NAPEPLD: variants seen among roughly 807,000 people sequenced by gnomAD.
The protein encoded by NAPEPLD is N-acyl-phosphatidylethanolamine-hydrolyzing phospholipase D.
In NAPEPLD, 23 loss-of-function variants were observed where a neutral mutation model predicts 38.1. The ratio of observed to expected loss-of-function variants is 0.60; its 90% CI spans 0.43 to 0.86. NAPEPLD has a LOEUF of 0.86. Ranked by LOEUF, NAPEPLD falls within the 40% of genes least tolerant of loss-of-function variation. NAPEPLD has a pLI of 0.00. For missense variants in NAPEPLD, 411 were observed against 476.8 expected (o/e 0.86, Z 1.28); for synonymous variants, 147 against 162.0 (o/e 0.91, Z 0.71).
chr7:103,128,415 G>T, intron 2 of NAPEPLD, 68 bp downstream of exon 2: 2 of 1,547,580 alleles, frequency 1.3e-6, no homozygotes, highest in East Asian at 2.2e-5. Flanking sequence ...TGATATACAA[G>T]GGCTCAAATA....
chr7:103,103,613 C>A, intron 4 of NAPEPLD, 59 bp from the exon 5 acceptor site: 1 of 1,526,216 alleles, frequency 6.6e-7, no homozygotes, highest in South Asian at 1.3e-5. Flanking sequence ...GGGAGATTTT[C>A]CAAATAACAG....
intron 1 of NAPEPLD, among the ~76,000 whole-genome samples, chr7:103,138,490 CA>C (rs1282824476): frequency 7.3e-6 from 1 of 137,400 alleles, no homozygotes; most frequent in East Asian, 2.3e-4. Context: ...TTTTTTGAGT[CA>C]GAGTTTTGCT....
At chr7:103,137,356 A>G (rs1349288208) in intron 1 of NAPEPLD, among the ~76,000 whole-genome samples, 1 of 152,212 alleles carries the variant, frequency 6.6e-6, no homozygotes, top group Admixed American at 6.5e-5. Context: ...TTCCTCTATA[A>G]TAAGAGGTTT....
chr7:103,100,003 A>G lies in NAPEPLD; in HGVS notation c.*3426T>C, dbSNP rs1802164619. 6.6e-6 allele frequency: 1 copy of G among 152,220 alleles called. No individual in the cohort carries two copies. Among genetic ancestry groups the G allele is most frequent in the Non-Finnish European group, 1.5e-5 (1 of 68,040 alleles). 9.4% of individuals were successfully genotyped at this position (152,220 alleles called of 1,614,324 possible). On this transcript the variant is annotated 3_prime_UTR_variant, in exon 5 of 5. Coordinates refer to ENST00000465647, the MANE Select transcript of NAPEPLD (RefSeq NM_001122838.3). ...GCAGTATTTAAGGCAAAGCTTTAAG[A>G]ATACTTTAAATTTCATTTGTAAATA...
rs757595572 is a variant in NAPEPLD, at chr7:103,128,707, G to A, written c.70C>T (p.Arg24Cys). The A allele has an allele frequency of 1.3e-5, 21 of 1,613,888 alleles. No individual in the cohort carries two copies. Among genetic ancestry groups the A allele is most frequent in the African/African-American group, 2.7e-5 (2 of 74,850 alleles). Residue 24 changes from arginine to cysteine, a missense_variant, in exon 2 of 5, where the codon CGT becomes TGT. By Grantham distance (180) the Arg-to-Cys change is radical (BLOSUM62 -3). Coordinates refer to ENST00000465647, the MANE Select transcript of NAPEPLD (RefSeq NM_001122838.3). The part of the protein sequence containing the change: ...SQYPKEAVRK[R>C]QNSARNSGAS... ...CCGGAATTCCGTGCTGAATTTTGAC[G>A]TTTTCTTACTGCTTCTTTAGGATAT...
At chr7:103,118,143 G>A (rs576137054) in intron 3 of NAPEPLD, among the ~76,000 whole-genome samples, 86 of 152,288 alleles carry the variant, frequency 5.6e-4, no homozygotes, top group South Asian at 8.3e-4. Flanking sequence ...AGCCGAGATC[G>A]TGCCACTGCA....
At chr7:103,134,748 T>C (rs1809688517) in intron 1 of NAPEPLD, among the ~76,000 whole-genome samples, 1 of 152,204 alleles carries the variant, frequency 6.6e-6, no homozygotes, top group African/African-American at 2.4e-5. Flanking sequence ...AAGGACATTC[T>C]CTACATTTTT....
intron 3 of NAPEPLD, among the ~76,000 whole-genome samples, chr7:103,116,371 T>C (rs1415789182): frequency 6.6e-6 from 1 of 152,188 alleles, no homozygotes; most frequent in African/African-American, 2.4e-5. Context: ...GCCAGTTTTT[T>C]CACTTTATCA....
chr7:103,123,047 C>G (rs922242261), intron 2 of NAPEPLD, among the ~76,000 whole-genome samples: 18 of 152,214 alleles, frequency 1.2e-4, no homozygotes, highest in Non-Finnish European at 7.3e-5. Flanking sequence ...GTCCCACCTA[C>G]ATGGAGACTG....
chr7:103,102,033 T>A lies in NAPEPLD; in HGVS notation c.*1396A>T, dbSNP rs1463258850. ...GCCCCCCAACCACTGGCATTCATAC[T>A]GGCTTACCAAAAGAATCATGCTTAA... On this transcript the variant is annotated 3_prime_UTR_variant, in exon 5 of 5. Coordinates refer to ENST00000465647, the MANE Select transcript of NAPEPLD (RefSeq NM_001122838.3). 1 of 113,068 alleles carries A rather than the reference T, an allele frequency of 8.8e-6. No homozygotes were observed. The highest frequency in any genetic ancestry group is 1.7e-5 in the Non-Finnish European group (1 of 60,384). The allele number at this position is 113,068 out of a possible 1,614,324, so 7.0% of individuals were successfully genotyped here.
Position 103,128,526 on chromosome 7 carries a change from A to C in NAPEPLD, c.251T>G (p.Leu84Arg). The change falls in exon 2 of 5, where the codon CTG becomes CGG. Residue 84 changes from leucine (L) to arginine (R), a missense_variant. Leu to Arg is a moderately radical substitution (Grantham distance 102). Coordinates refer to ENST00000465647, the MANE Select transcript of NAPEPLD (RefSeq NM_001122838.3). ...NPSIPNVLRW[L>R]IMEKDHSSVP... Reference sequence around the variant, plus strand: ...ACTGCTGTGATCTTTCTCCATTATCAGCCATCTGAGAACATTTGGAATAGA... The same window carrying C: ...ACTGCTGTGATCTTTCTCCATTATCCGCCATCTGAGAACATTTGGAATAGA... 6.2e-7 allele frequency: 1 copy of C among 1,614,242 alleles called. No individual in the cohort carries two copies. The highest frequency in any genetic ancestry group is 8.5e-7 in the Non-Finnish European group (1 of 1,180,050).
At chr7:103,141,538 G>T in intron 1 of NAPEPLD, 1 of 1,378,374 alleles carries the variant, frequency 7.3e-7, no homozygotes. Flanking sequence ...GAATCTGCTT[G>T]TTTTTTAACA....
intron 1 of NAPEPLD, among the ~76,000 whole-genome samples, chr7:103,129,733 C>T (rs564527071): frequency 5.3e-5 from 8 of 152,256 alleles, no homozygotes; most frequent in South Asian, 4.1e-4. Context: ...CCTAGCTATA[C>T]GACCTTGAGC....
At chr7:103,138,845 G>A (rs1053755340) in intron 1 of NAPEPLD, among the ~76,000 whole-genome samples, 5 of 152,172 alleles carry the variant, frequency 3.3e-5, no homozygotes, top group Admixed American at 2.0e-4. Context: ...GGACTGGGAT[G>A]TATCTCTAAA....
intron 4 of NAPEPLD, among the ~76,000 whole-genome samples, chr7:103,105,290 A>T (rs1310275679): frequency 6.6e-6 from 1 of 152,028 alleles, no homozygotes; most frequent in Non-Finnish European, 1.5e-5. Flanking sequence ...AAAGCAGAAG[A>T]CTCCGAGCAT....
At chr7:103,137,367 T>C (rs1277419855) in intron 1 of NAPEPLD, among the ~76,000 whole-genome samples, 1 of 152,114 alleles carries the variant, frequency 6.6e-6, no homozygotes, top group Non-Finnish European at 1.5e-5. Flanking sequence ...TAAGAGGTTT[T>C]CCCCATATGT....
intron 1 of NAPEPLD, among the ~76,000 whole-genome samples, chr7:103,140,740 A>C (rs1169769652): frequency 6.6e-6 from 1 of 152,094 alleles, no homozygotes; most frequent in Non-Finnish European, 1.5e-5. Context: ...AGTCACCAGA[A>C]GGCTCTCATT....
At chr7:103,115,014 T>C (rs1365758715) in intron 4 of NAPEPLD, 46 bp downstream of exon 4, 3 of 1,430,090 alleles carry the variant, frequency 2.1e-6, no homozygotes, top group South Asian at 2.4e-5. Flanking sequence ...CTGAATCCTA[T>C]CATTGGTCAA....
At chr7:103,120,361 C>T in intron 2 of NAPEPLD, 138 bp from the exon 3 acceptor site, 1 of 907,336 alleles carries the variant, frequency 1.1e-6, no homozygotes, top group Non-Finnish European at 1.6e-6. Flanking sequence ...ACTTGCTACA[C>T]TTTTGCTTTT....
Sources: allele counts gnomAD v4.1 joint callset (sites outside exome capture counted in the v4.1 genomes callset), GRCh38; gene constraint gnomAD v4.1.1; transcripts MANE v1.5; gene names NCBI Gene and HGNC (gene_info 2026-07-23, HGNC 2026-07-21).